The following ADAMTS2 variants were observed in gnomAD, a reference collection of about 807,000 sequenced individuals.
ADAMTS2 encodes the protein A disintegrin and metalloproteinase with thrombospondin motifs 2.
A neutral mutation model predicts 123.0 loss-of-function variants in ADAMTS2; 50 were observed. The ratio of observed to expected loss-of-function variants is 0.41; its 90% CI spans 0.32 to 0.51. The LOEUF (loss-of-function observed/expected upper bound fraction) is 0.51, where lower values mean the gene tolerates loss of function less well. Ranked by LOEUF, ADAMTS2 falls within the 20% of genes least tolerant of loss-of-function variation. The probability of loss-of-function intolerance (pLI) is 0.35; values close to 1 mark genes in which losing one functional copy is unlikely to be tolerated. For missense variants in ADAMTS2, 1,494 were observed against 1,705.2 expected, an observed-to-expected ratio of 0.88 and a Z score of 2.18; for synonymous variants, 678 against 695.4, an observed-to-expected ratio of 0.98 and a Z score of 0.39.
At chr5:179,191,710 G>A (rs1349672093) in intron 4 of ADAMTS2, among the ~76,000 whole-genome samples, 1 of 152,164 alleles carries the variant, frequency 6.6e-6, no homozygotes, top group Non-Finnish European at 1.5e-5. Context: ...CCCCGCCTTA[G>A]GGTGAGATGC....
chr5:179,146,625 A>G (rs1200145467), intron 10 of ADAMTS2, among the ~76,000 whole-genome samples: 1 of 152,242 alleles, frequency 6.6e-6, no homozygotes, highest in East Asian at 1.9e-4. Context: ...TGAGACTGTC[A>G]AACGCTCCAA....
Position 179,225,115 on chromosome 5 carries a change from T to C in ADAMTS2, c.689-17400A>G, listed in dbSNP as rs1359903408. 6.6e-6 allele frequency among the ~76,000 whole-genome samples: 1 copy of C among 152,128 alleles called. No individual in the cohort carries two copies. Among genetic ancestry groups the C allele is most frequent in the Admixed American group, 6.5e-5 (1 of 15,278 alleles). On this transcript the variant is annotated intron_variant, in intron 3 of 21. Coordinates refer to ENST00000251582, the MANE Select transcript of ADAMTS2 (RefSeq NM_014244.5). This position sits in a 1 kb window ranked among gnomAD's most constrained non-coding sequence, Gnocchi z 4.5. Reference sequence around the variant, plus strand: ...CCTCACGCAGGGGCCTGAGGAACACTCCCTGGTTATCCACACGGCAACTAA... The same window carrying C: ...CCTCACGCAGGGGCCTGAGGAACACCCCCTGGTTATCCACACGGCAACTAA...
chr5:179,294,162 G>A (rs915795305), intron 2 of ADAMTS2, among the ~76,000 whole-genome samples: 1 of 151,964 alleles, frequency 6.6e-6, no homozygotes, highest in African/African-American at 2.4e-5. Flanking sequence ...AGGCTGAGGT[G>A]GGAGAATCAC....
intron 3 of ADAMTS2, among the ~76,000 whole-genome samples, chr5:179,238,620 G>C (rs760085887): frequency 6.6e-6 from 1 of 152,132 alleles, no homozygotes; most frequent in African/African-American, 2.4e-5. Context: ...GCATCCAGGC[G>C]GAAGGAGGAC....
In ADAMTS2 at chr5:179,270,688, C is replaced by T. The variant is rs146967397; in HGVS notation, c.688+2223G>A. Among the ~76,000 whole-genome samples the T allele has an allele frequency of 2.3e-3, 353 of 152,338 alleles. 4 individuals carry two copies. Among genetic ancestry groups the T allele is most frequent in the African/African-American group, 8.1e-3 (337 of 41,586 alleles). ...TGGAAAGCTGGACGCCTGAGGTCACCGTGGGCCCTCCACCCAGCTCCGGCA... is the reference window on the plus strand; with the variant it reads ...TGGAAAGCTGGACGCCTGAGGTCACTGTGGGCCCTCCACCCAGCTCCGGCA... On this transcript the variant is annotated intron_variant, in intron 3 of 21. Coordinates refer to ENST00000251582, the MANE Select transcript of ADAMTS2 (RefSeq NM_014244.5).
At chr5:179,145,951 C>T (rs1763243892) in intron 10 of ADAMTS2, among the ~76,000 whole-genome samples, 1 of 152,184 alleles carries the variant, frequency 6.6e-6, no homozygotes, top group African/African-American at 2.4e-5. Flanking sequence ...TTCCCGGGTT[C>T]AAGTGATTCT....
chr5:179,305,925 C>T (rs1756659512), intron 2 of ADAMTS2, among the ~76,000 whole-genome samples: 1 of 151,946 alleles, frequency 6.6e-6, no homozygotes, highest in South Asian at 2.1e-4. Flanking sequence ...AAAACTTACC[C>T]AAGACAAAGT....
chr5:179,146,224 A>G (rs1278130553), intron 10 of ADAMTS2, among the ~76,000 whole-genome samples: 1 of 152,220 alleles, frequency 6.6e-6, no homozygotes, highest in Non-Finnish European at 1.5e-5. Flanking sequence ...AAAAACCAAT[A>G]CCAACCAAAC....
chr5:179,292,111 G>C (rs1756205659), intron 2 of ADAMTS2, among the ~76,000 whole-genome samples: 1 of 151,986 alleles, frequency 6.6e-6, no homozygotes, highest in Non-Finnish European at 1.5e-5. Flanking sequence ...CTCTGGGCAA[G>C]ATCCACATTG....
chr5:179,345,330 G>T lies in ADAMTS2; in HGVS notation c.-2C>A, dbSNP rs1757919556. 1 of 1,134,726 alleles carries T rather than the reference G, an allele frequency of 8.8e-7. No homozygotes were observed. The highest frequency in any genetic ancestry group is 1.1e-6 in the Non-Finnish European group (1 of 925,948). The allele number at this position is 1,134,726 out of a possible 1,614,324, so 70.3% of individuals were successfully genotyped here. ...AGCGGCTCCCGCCGGCGGATCCATG[G>T]CAGCCGGACTGCAGCCGGGGCCCCG... is the stretch of plus-strand genomic sequence containing the variant. On this transcript the variant is annotated 5_prime_UTR_variant, in exon 1 of 22. Coordinates refer to ENST00000251582, the MANE Select transcript of ADAMTS2 (RefSeq NM_014244.5). This position sits in a 1 kb window ranked among gnomAD's most constrained non-coding sequence, Gnocchi z 7.5.
chr5:179,202,649 A>C lies in ADAMTS2; in HGVS notation c.891+4864T>G, dbSNP rs1581186652. 6.6e-6 allele frequency among the ~76,000 whole-genome samples: 1 copy of C among 152,050 alleles called. No individual in the cohort carries two copies. The highest frequency in any genetic ancestry group is 1.5e-5 in the Non-Finnish European group (1 of 67,988). ...CGTATGAACGGCAGCCAGGGGCACC[A>C]GACAGAGGAGGATGGCTATGCCGAG... is the stretch of plus-strand genomic sequence containing the variant. On this transcript the variant is annotated intron_variant, in intron 4 of 21. Transcript: ENST00000251582. This position sits in a 1 kb window ranked among gnomAD's most constrained non-coding sequence, Gnocchi z 4.0.
At position 179,299,306 on chromosome 5, in the gene ADAMTS2, G is replaced by C. The variant is rs28729102; in HGVS notation, c.535-26242C>G. ...GCACTTTGGGAGGCTGAGGCGGGCG[G>C]ATCACGAGGTCAGGAGATGGAGACC... On this transcript the variant is annotated intron_variant, in intron 2 of 21. Coordinates refer to ENST00000251582, the MANE Select transcript of ADAMTS2 (RefSeq NM_014244.5). 2.6e-4 allele frequency among the ~76,000 whole-genome samples: 18 copies of C among 68,268 alleles called. 1 individual carries two copies. Among genetic ancestry groups the C allele is most frequent in the Non-Finnish European group, 3.8e-4 (12 of 31,962 alleles). 44.8% of individuals were successfully genotyped at this position (68,268 alleles called of 152,430 possible). A position where few individuals can be genotyped will look rare whatever the true frequency, so the allele number is the denominator to read the frequency against.
chr5:179,271,736 C>T (rs1766540002), intron 3 of ADAMTS2, among the ~76,000 whole-genome samples: 1 of 152,238 alleles, frequency 6.6e-6, no homozygotes, highest in African/African-American at 2.4e-5. Context: ...CATTGGGCTT[C>T]CTGATGGAAC....
intron 4 of ADAMTS2, among the ~76,000 whole-genome samples, chr5:179,190,951 C>T: frequency 1.3e-5 from 2 of 152,276 alleles, no homozygotes; most frequent in East Asian, 3.8e-4. Flanking sequence ...GCGAGTGTGA[C>T]CCAGCCCTGG....
At chr5:179,275,898 G>A (rs949010640) in intron 2 of ADAMTS2, among the ~76,000 whole-genome samples, 6 of 152,208 alleles carry the variant, frequency 3.9e-5, no homozygotes, top group East Asian at 1.9e-4. Flanking sequence ...GCCATTCTCC[G>A]AGGGGCATGA....
At chr5:179,274,598 G>A (rs1052786661) in intron 2 of ADAMTS2, among the ~76,000 whole-genome samples, 2 of 152,234 alleles carry the variant, frequency 1.3e-5, no homozygotes, top group African/African-American at 2.4e-5. Context: ...TTGTGGGGGG[G>A]CACGGTGGCG....
chr5:179,191,459 A>C (rs1365561786), intron 4 of ADAMTS2, among the ~76,000 whole-genome samples: 1 of 152,156 alleles, frequency 6.6e-6, no homozygotes, highest in African/African-American at 2.4e-5. Flanking sequence ...CCGTTTGAGC[A>C]CCACCATGTA....
In ADAMTS2 at chr5:179,302,077, C is replaced by T. The variant is rs373216674; in HGVS notation, c.535-29013G>A. ...AGCCCTTCCGCCAGCCTCTGGCCAG[C>T]GTCAGGAAGGGGAGTGTAGAGTGAG... On this transcript the variant is annotated intron_variant, in intron 2 of 21. Transcript: ENST00000251582. Among the ~76,000 whole-genome samples the T allele has an allele frequency of 1.1e-4, 17 of 152,252 alleles. No homozygotes were observed. The South Asian group carries it at 1.9e-3, about 17-fold the overall frequency.
intron 2 of ADAMTS2, among the ~76,000 whole-genome samples, chr5:179,341,551 A>T (rs1308601645): frequency 2.0e-5 from 3 of 151,794 alleles, no homozygotes; most frequent in East Asian, 3.9e-4. Flanking sequence ...ATTAAAAAAA[A>T]AATAAAAAAA....
Sources: allele counts gnomAD v4.1 joint callset (sites outside exome capture counted in the v4.1 genomes callset), GRCh38; gene constraint gnomAD v4.1.1; non-coding constraint Gnocchi (gnomAD v3.1); transcripts MANE v1.5; gene names NCBI Gene and HGNC (gene_info 2026-07-23, HGNC 2026-07-21).